The following WWC2 variants were observed in gnomAD, a reference collection of about 807,000 sequenced individuals.
The protein encoded by WWC2 is protein WWC2.
In WWC2, 101 loss-of-function variants were observed where a neutral mutation model predicts 138.5. The ratio of observed to expected loss-of-function variants is 0.73; its 90% CI spans 0.62 to 0.86. WWC2 has a LOEUF of 0.86. WWC2 is among the 40% of genes least tolerant of loss of function. WWC2 has a pLI of 0.00. For missense variants in WWC2, 1,420 were observed against 1,419.4 expected (o/e 1.00, Z -0.01); for synonymous variants, 558 against 538.4 (o/e 1.04, Z -0.50).
chr4:183,169,293 G>T (rs549229331), intron 1 of WWC2, among the ~76,000 whole-genome samples: 3 of 152,118 alleles, frequency 2.0e-5, no homozygotes, highest in African/African-American at 4.8e-5. Context: ...GAAATTTTAC[G>T]TGTTGCTATA....
In WWC2 at chr4:183,319,898, A is replaced by T; in HGVS notation, c.*4169A>T. ...TCTTGAGATCTCTCTGACTCTCTCC[A>T]ATTCTCAAACAGTCCAGGCCAAACC... On this transcript the variant is annotated 3_prime_UTR_variant, in exon 23 of 23. Transcript: ENST00000403733. 6.2e-7 allele frequency: 1 copy of T among 1,613,914 alleles called. No individual in the cohort carries two copies. Among genetic ancestry groups the T allele is most frequent in the Non-Finnish European group, 8.5e-7 (1 of 1,179,864 alleles).
chr4:183,110,167 A>G (rs1732188351), intron 1 of WWC2, among the ~76,000 whole-genome samples: 1 of 152,234 alleles, frequency 6.6e-6, no homozygotes, highest in African/African-American at 2.4e-5. Flanking sequence ...AGGCGCTGCT[A>G]TATAATTCTT....
intron 4 of WWC2, among the ~76,000 whole-genome samples, chr4:183,210,537 ATCATG>A (rs1735566403): frequency 6.6e-6 from 1 of 152,224 alleles, no homozygotes; most frequent in Admixed American, 6.5e-5. Flanking sequence ...ATGCCATAAC[ATCATG>A]TTGTAAGCCT....
intron 21 of WWC2, 51 bp from the exon 22 acceptor site, chr4:183,312,290 A>G: frequency 6.3e-7 from 1 of 1,597,864 alleles, no homozygotes; most frequent in Non-Finnish European, 8.5e-7. Context: ...GTCTCCAGGG[A>G]TTTCTAATCA....
Position 183,119,572 on chromosome 4 carries a change from CTG to C in WWC2, c.131+19954_131+19955del, listed in dbSNP as rs370393904. 3.1e-3 allele frequency among the ~76,000 whole-genome samples: 471 copies of C among 152,312 alleles called. 5 individuals carry two copies. The highest frequency in any genetic ancestry group is 0.011 in the African/African-American group (461 of 41,566). On this transcript the variant is annotated intron_variant, in intron 1 of 22. Transcript: ENST00000403733. ...AAAGCCCCTCCTCATATTTACTTCT[CTG>C]TGTAACCATGCACTTTGCCCATGTA... is the stretch of plus-strand genomic sequence containing the variant.
intron 1 of WWC2, among the ~76,000 whole-genome samples, chr4:183,172,937 C>T (rs774156741): frequency 6.6e-6 from 1 of 152,002 alleles, no homozygotes; most frequent in African/African-American, 2.4e-5. Flanking sequence ...TTTAATTTGT[C>T]AATAGATGGT....
At chr4:183,103,474 C>T (rs894702766) in intron 1 of WWC2, among the ~76,000 whole-genome samples, 1 of 151,514 alleles carries the variant, frequency 6.6e-6, no homozygotes, top group South Asian at 2.1e-4. Context: ...TTCCAGGCGC[C>T]TGCCACCACG....
chr4:183,302,021 CATT>C (rs1441775286), intron 21 of WWC2, among the ~76,000 whole-genome samples: 5 of 152,148 alleles, frequency 3.3e-5, no homozygotes, highest in Admixed American at 3.3e-4. Context: ...TACTGTAACT[CATT>C]ATTTTAATGC....
intron 1 of WWC2, among the ~76,000 whole-genome samples, chr4:183,182,817 A>G (rs1313001161): frequency 2.0e-5 from 3 of 152,250 alleles, no homozygotes; most frequent in Admixed American, 2.0e-4. Context: ...TAACACCTTA[A>G]TACCAGCCTT....
intron 4 of WWC2, among the ~76,000 whole-genome samples, chr4:183,230,471 G>A (rs1736209604): frequency 6.6e-6 from 1 of 152,234 alleles, no homozygotes; most frequent in African/African-American, 2.4e-5. Flanking sequence ...GAGGTCAGGA[G>A]TTCGAGACCG....
At chr4:183,111,911 T>G (rs2152887753) in intron 1 of WWC2, among the ~76,000 whole-genome samples, 1 of 152,272 alleles carries the variant, frequency 6.6e-6, no homozygotes, top group East Asian at 1.9e-4. Context: ...TTGCCCAGGC[T>G]GGTCTCCAAC....
At chr4:183,270,994 C>G (rs1737677962) in intron 15 of WWC2, 86 bp from the exon 16 acceptor site, 1 of 1,201,242 alleles carries the variant, frequency 8.3e-7, no homozygotes, top group South Asian at 2.7e-5. Context: ...ATTCAATAAT[C>G]TTTATTATAT....
chr4:183,178,268 G>A (rs1224355189), intron 1 of WWC2, among the ~76,000 whole-genome samples: 1 of 151,994 alleles, frequency 6.6e-6, no homozygotes, highest in Non-Finnish European at 1.5e-5. Flanking sequence ...CAGGGCCAGA[G>A]AGTGGCTGAT....
At chr4:183,155,772 T>A (rs1733786994) in intron 1 of WWC2, among the ~76,000 whole-genome samples, 1 of 152,152 alleles carries the variant, frequency 6.6e-6, no homozygotes, top group African/African-American at 2.4e-5. Context: ...TGTACGTGAG[T>A]GCCTTATGCT....
intron 4 of WWC2, among the ~76,000 whole-genome samples, chr4:183,218,078 A>G (rs1265157341): frequency 2.0e-5 from 3 of 152,284 alleles, no homozygotes; most frequent in Admixed American, 6.5e-5. Flanking sequence ...AATACAAACT[A>G]TAAGATAGTG....
intron 16 of WWC2, among the ~76,000 whole-genome samples, chr4:183,273,360 A>G (rs1298196357): frequency 3.9e-5 from 6 of 152,038 alleles, no homozygotes; most frequent in Admixed American, 3.3e-4. Flanking sequence ...GCTGGAGTAC[A>G]ATGGCATAAT....
intron 6 of WWC2, among the ~76,000 whole-genome samples, chr4:183,246,105 A>T (rs1736773179): frequency 6.6e-6 from 1 of 152,190 alleles, no homozygotes; most frequent in South Asian, 2.1e-4. Flanking sequence ...CCCCTTACTA[A>T]ACCTGTTCAC....
At chr4:183,132,611 G>A (rs1258066762) in intron 1 of WWC2, among the ~76,000 whole-genome samples, 2 of 151,724 alleles carry the variant, frequency 1.3e-5, no homozygotes, top group African/African-American at 4.8e-5. Flanking sequence ...CCGCTACCAC[G>A]CCCGGCTAAT....
intron 4 of WWC2, among the ~76,000 whole-genome samples, chr4:183,231,370 G>A (rs775258878): frequency 2.1e-5 from 3 of 145,274 alleles, no homozygotes; most frequent in East Asian, 4.1e-4. Flanking sequence ...CCTGTGTTCA[G>A]GCGATTCTTG....
Sources: gnomAD v4.1 joint callset for allele counts (sites outside exome capture counted in the v4.1 genomes callset) on GRCh38, gnomAD v4.1.1 for gene constraint, MANE v1.5 for transcripts, NCBI Gene and HGNC (gene_info 2026-07-23, HGNC 2026-07-21) for gene names.